The following PEBP4 variants were observed in gnomAD, a reference collection of about 807,000 sequenced individuals.
PEBP4 encodes the protein phosphatidylethanolamine binding protein 4.
PEBP4 carries 22 observed loss-of-function variants against 23.9 expected under a neutral mutation model. The observed-to-expected ratio is 0.92, with a 90% CI of 0.66 to 1.31. The LOEUF (loss-of-function observed/expected upper bound fraction) is 1.31, where lower values mean the gene tolerates loss of function less well. Among genes scored for constraint, PEBP4 ranks in the 40% most tolerant of loss-of-function variants. PEBP4 has a pLI of 0.00. For missense variants in PEBP4, 324 were observed against 281.7 expected (o/e 1.15, Z -1.07); for synonymous variants, 112 against 99.3 (o/e 1.13, Z -0.76).
intron 2 of PEBP4, among the ~76,000 whole-genome samples, chr8:22,921,526 C>T (rs1809200251): frequency 6.6e-6 from 1 of 152,224 alleles, no homozygotes; most frequent in Non-Finnish European, 1.5e-5. Flanking sequence ...CCTTCCACCT[C>T]CCACCCTTCC....
chr8:22,854,794 C>T (rs1319818446), intron 3 of PEBP4, among the ~76,000 whole-genome samples: 1 of 152,122 alleles, frequency 6.6e-6, no homozygotes, highest in African/African-American at 2.4e-5. Flanking sequence ...AATTACTCTG[C>T]ACATGCTCAA....
chr8:22,873,583 G>A (rs1182769372), intron 3 of PEBP4, among the ~76,000 whole-genome samples: 1 of 152,170 alleles, frequency 6.6e-6, no homozygotes, highest in African/African-American at 2.4e-5. Context: ...AGTGAGCCGT[G>A]ATTGTGCCAC....
intron 4 of PEBP4, among the ~76,000 whole-genome samples, chr8:22,736,843 A>G (rs112570916): frequency 0.011 from 1,659 of 152,254 alleles, 34 homozygotes; most frequent in African/African-American, 0.038. Context: ...CAAATCTTAT[A>G]TTTTTAGCTC....
chr8:22,749,805 C>CTGTTTTTTTTT, intron 4 of PEBP4, among the ~76,000 whole-genome samples: 1 of 83,762 alleles, frequency 1.2e-5, no homozygotes, highest in Non-Finnish European at 2.4e-5. Flanking sequence ...GTTTGTCATT[C>CTGTTTTTTTTT]TTTTTTTTTT....
intron 4 of PEBP4, among the ~76,000 whole-genome samples, chr8:22,785,196 G>A (rs1018128339): frequency 6.6e-6 from 1 of 152,184 alleles, no homozygotes; most frequent in Non-Finnish European, 1.5e-5. Flanking sequence ...ATGAGGGGAA[G>A]CTAGGAGCAA....
chr8:22,905,910 G>A (rs1263723227), intron 3 of PEBP4, among the ~76,000 whole-genome samples: 5 of 152,184 alleles, frequency 3.3e-5, no homozygotes, highest in African/African-American at 9.7e-5. Flanking sequence ...GGATGGGAGC[G>A]CCAGATGTAT....
Position 22,917,554 on chromosome 8 carries a change from G to A in PEBP4, c.258+2630C>T, listed in dbSNP as rs28434189. On this transcript the variant is annotated intron_variant, in intron 3 of 6. Transcript: ENST00000256404. The stretch of plus-strand genomic sequence containing the variant: ...GCCAGGCCCATGGGCTCTGGAGTTG[G>A]GCAGACCTGGCTTTGACTCTGGCTC... Among the ~76,000 whole-genome samples the A allele has an allele frequency of 6.0e-3, 907 of 152,320 alleles. 9 individuals are homozygous for A. The highest frequency in any genetic ancestry group is 0.02 in the African/African-American group (851 of 41,566).
intron 3 of PEBP4, chr8:22,884,513 T>G (rs1303740092): frequency 6.6e-6 from 1 of 152,210 alleles, no homozygotes; most frequent in Non-Finnish European, 1.5e-5. Context: ...GATCGTGACT[T>G]AAGGCTCCGG....
At chr8:22,889,600 C>A (rs933943791) in intron 3 of PEBP4, among the ~76,000 whole-genome samples, 2 of 152,142 alleles carry the variant, frequency 1.3e-5, no homozygotes, top group East Asian at 3.8e-4. Flanking sequence ...AGCTTAAAAG[C>A]CTCGTTTTGG....
intron 4 of PEBP4, among the ~76,000 whole-genome samples, chr8:22,812,444 G>T (rs753320494): frequency 6.6e-6 from 1 of 152,154 alleles, no homozygotes; most frequent in Non-Finnish European, 1.5e-5. Flanking sequence ...CTGGTTTATG[G>T]CCACCTCTGT....
At chr8:22,774,598 G>T (rs769946365) in intron 4 of PEBP4, among the ~76,000 whole-genome samples, 1 of 152,176 alleles carries the variant, frequency 6.6e-6, no homozygotes, top group East Asian at 1.9e-4. Flanking sequence ...CCGATGGGGG[G>T]TAGGGGCCGA....
At chr8:22,778,632 T>C (rs1426453370) in intron 4 of PEBP4, among the ~76,000 whole-genome samples, 1 of 152,162 alleles carries the variant, frequency 6.6e-6, no homozygotes, top group Non-Finnish European at 1.5e-5. Context: ...ACGAGGCTTC[T>C]GCTGATGGAG....
intron 3 of PEBP4, among the ~76,000 whole-genome samples, chr8:22,833,492 C>T (rs1807131705): frequency 6.6e-6 from 1 of 152,186 alleles, no homozygotes; most frequent in Non-Finnish European, 1.5e-5. Flanking sequence ...CCACCACGCC[C>T]AGCTGATGTT....
chr8:22,907,137 C>T (rs1471406723), intron 3 of PEBP4, among the ~76,000 whole-genome samples: 1 of 152,030 alleles, frequency 6.6e-6, no homozygotes, highest in Non-Finnish European at 1.5e-5. Flanking sequence ...GTGCAAAGGC[C>T]CTATAAAGCA....
At position 22,865,936 on chromosome 8, in the gene PEBP4, C is replaced by T. The variant is rs1259352754; in HGVS notation, c.259-48201G>A. Among the ~76,000 whole-genome samples the T allele has an allele frequency of 1.3e-5, 2 of 152,036 alleles. No individual in the cohort carries two copies. The highest frequency in any genetic ancestry group is 4.8e-5 in the African/African-American group (2 of 41,404). ...CAGGACACGCGCCTCGAGGTGTGGC[C>T]CGGCGCCGGGCGGTGCTGCCCGGAG... is the stretch of plus-strand genomic sequence containing the variant. On this transcript the variant is annotated intron_variant, in intron 3 of 6. Coordinates refer to ENST00000256404, the MANE Select transcript of PEBP4 (RefSeq NM_144962.3). The surrounding 1 kb of genome is among the most constrained non-coding windows in gnomAD (Gnocchi z 6.9).
At chr8:22,927,451 C>A in intron 2 of PEBP4, 133 bp downstream of exon 2, 1 of 1,123,716 alleles carries the variant, frequency 8.9e-7, no homozygotes, top group Non-Finnish European at 1.2e-6. Flanking sequence ...GTCTCCAGAT[C>A]TGACACGTGT....
At chr8:22,836,522 C>T (rs1430717287) in intron 3 of PEBP4, among the ~76,000 whole-genome samples, 1 of 152,270 alleles carries the variant, frequency 6.6e-6, no homozygotes, top group Admixed American at 6.5e-5. Flanking sequence ...CCTTCTGCCA[C>T]TGTGCTGCCC....
intron 4 of PEBP4, among the ~76,000 whole-genome samples, chr8:22,739,291 A>C (rs1476144517): frequency 3.3e-5 from 5 of 152,192 alleles, no homozygotes; most frequent in Admixed American, 2.6e-4. Flanking sequence ...GCCGCAGCAG[A>C]ACAATTAGGA....
chr8:22,769,115 C>G (rs1193395535), intron 4 of PEBP4, among the ~76,000 whole-genome samples: 2 of 152,206 alleles, frequency 1.3e-5, no homozygotes, highest in Admixed American at 1.3e-4. Context: ...TCTCTACCCT[C>G]ACGTTGCCAC....
Sources: allele counts gnomAD v4.1 joint callset (sites outside exome capture counted in the v4.1 genomes callset), GRCh38; gene constraint gnomAD v4.1.1; non-coding constraint Gnocchi (gnomAD v3.1); transcripts MANE v1.5; gene names NCBI Gene and HGNC (gene_info 2026-07-23, HGNC 2026-07-21).